The following OSTN variants were observed in gnomAD, a reference collection of about 807,000 sequenced individuals.
OSTN encodes the protein osteocrin.
In OSTN, 9 loss-of-function variants were observed where a neutral mutation model predicts 12.0. That is an observed-to-expected ratio of 0.75 (90% confidence interval 0.45 to 1.30). OSTN has a LOEUF of 1.30. Among genes scored for constraint, OSTN ranks in the 50% most tolerant of loss-of-function variants. OSTN has a pLI of 0.00. For synonymous variants in OSTN, 59 were observed against 56.9 expected, an observed-to-expected ratio of 1.04 and a Z score of -0.16; for missense variants, 148 against 152.3, an observed-to-expected ratio of 0.97 and a Z score of 0.15.
chr3:191,232,962 C>T (rs1715099003), intron 3 of OSTN, among the ~76,000 whole-genome samples: 2 of 152,058 alleles, frequency 1.3e-5, no homozygotes, highest in African/African-American at 2.4e-5. Flanking sequence ...AAGATGTAAC[C>T]CTTTCCCATC....
intron 3 of OSTN, among the ~76,000 whole-genome samples, chr3:191,245,054 A>C (rs888416353): frequency 6.6e-6 from 1 of 152,146 alleles, no homozygotes; most frequent in Non-Finnish European, 1.5e-5. Context: ...TTACTGGGAC[A>C]ATTCTTTACT....
At chr3:191,215,508 C>T (rs146005664) in intron 2 of OSTN, among the ~76,000 whole-genome samples, 247 of 152,328 alleles carry the variant, frequency 1.6e-3, no homozygotes, top group Non-Finnish European at 2.3e-3. Flanking sequence ...CAAGTCCCTT[C>T]CACCTATGAG....
intron 1 of OSTN, among the ~76,000 whole-genome samples, chr3:191,206,643 G>T (rs1246218966): frequency 6.6e-6 from 1 of 152,192 alleles, no homozygotes; most frequent in Non-Finnish European, 1.5e-5. Context: ...CAACATTAGA[G>T]GTCAGTTAGA....
intron 4 of OSTN, among the ~76,000 whole-genome samples, chr3:191,251,422 G>A (rs1010682173): frequency 7.9e-5 from 12 of 152,298 alleles, no homozygotes; most frequent in African/African-American, 2.2e-4. Flanking sequence ...TTAACAATCT[G>A]AGGCTAGAGC....
chr3:191,211,945 CT>C (rs1025976744), intron 1 of OSTN, among the ~76,000 whole-genome samples: 16 of 151,858 alleles, frequency 1.1e-4, no homozygotes, highest in Admixed American at 3.9e-4. Flanking sequence ...AGTAATTTGT[CT>C]TTTTTTATTG....
chr3:191,247,098 C>T (rs1173000621), intron 3 of OSTN, among the ~76,000 whole-genome samples: 4 of 152,070 alleles, frequency 2.6e-5, no homozygotes, highest in South Asian at 2.1e-4. Context: ...AAAATAACTG[C>T]GTAATTAAGA....
Position 191,262,855 on chromosome 3 carries a change from C to T in OSTN, c.*13-11C>T, listed in dbSNP as rs550416162. The T allele has an allele frequency of 3.8e-5, 27 of 701,888 alleles. No homozygotes were observed. The East Asian group carries it at 6.2e-4, about 16-fold the overall frequency. The allele number at this position is 701,888 out of a possible 1,614,324, so 43.5% of individuals were successfully genotyped here. ...CATTAGCTTTAACAATCTCAACTTT[C>T]GTTTTTGCAGATGCAACTTCCTTGG... On this transcript the variant is annotated splice_polypyrimidine_tract_variant and intron_variant, in intron 4 of 4. Coordinates refer to ENST00000682035, the MANE Select transcript of OSTN (RefSeq NM_198184.2).
chr3:191,241,314 A>G (rs748945096), intron 3 of OSTN, among the ~76,000 whole-genome samples: 1 of 151,386 alleles, frequency 6.6e-6, no homozygotes, highest in Non-Finnish European at 1.5e-5. Context: ...TACCGAGTAG[A>G]TGGGAATACA....
intron 3 of OSTN, among the ~76,000 whole-genome samples, chr3:191,247,679 A>G (rs1034461837): frequency 2.6e-5 from 4 of 152,222 alleles, no homozygotes; most frequent in African/African-American, 4.8e-5. Context: ...CTTTTATACA[A>G]CAGCACCAAG....
At chr3:191,236,406 C>G (rs1715190347) in intron 3 of OSTN, among the ~76,000 whole-genome samples, 1 of 151,982 alleles carries the variant, frequency 6.6e-6, no homozygotes, top group Non-Finnish European at 1.5e-5. Context: ...TAAGGCAAGT[C>G]CACAGAGTAA....
chr3:191,261,667 C>T (rs1251089300), intron 4 of OSTN, among the ~76,000 whole-genome samples: 1 of 152,210 alleles, frequency 6.6e-6, no homozygotes, highest in Non-Finnish European at 1.5e-5. Flanking sequence ...TGATTTCCAT[C>T]ACTAGTTACC....
At chr3:191,232,951 A>G (rs546275009) in intron 3 of OSTN, among the ~76,000 whole-genome samples, 1 of 151,936 alleles carries the variant, frequency 6.6e-6, no homozygotes, top group South Asian at 2.1e-4. Context: ...TAATGGAACT[A>G]AAGATGTAAC....
Position 191,211,758 on chromosome 3 carries a change from C to T in OSTN, c.1-775C>T, listed in dbSNP as rs1551427. On this transcript the variant is annotated intron_variant, in intron 1 of 4. Transcript: ENST00000682035. ...TGTATGTATTGTGGAAGGTTTTGTC[C>T]CTTCAGTTCTCCTCTTTTCTATGAA... Among the ~76,000 whole-genome samples, 550 of 151,212 alleles carry T rather than the reference C, an allele frequency of 3.6e-3. 3 individuals are homozygous for T. Among genetic ancestry groups the T allele is most frequent in the African/African-American group, 0.013 (526 of 41,172 alleles).
chr3:191,254,365 C>A (rs1560125699), intron 4 of OSTN, among the ~76,000 whole-genome samples: 1 of 152,186 alleles, frequency 6.6e-6, no homozygotes, highest in African/African-American at 2.4e-5. Flanking sequence ...CTGAGAAGTC[C>A]GTATCAGCAG....
At chr3:191,214,377 G>A (rs1274386487) in intron 2 of OSTN, among the ~76,000 whole-genome samples, 3 of 147,124 alleles carry the variant, frequency 2.0e-5, no homozygotes, top group Admixed American at 6.8e-5. Flanking sequence ...GAACCTGGGA[G>A]GCAGAGGTTG....
chr3:191,262,264 C>T (rs549121953), intron 4 of OSTN, among the ~76,000 whole-genome samples: 5 of 152,280 alleles, frequency 3.3e-5, no homozygotes, highest in Admixed American at 3.3e-4. Flanking sequence ...CACTTGCTGG[C>T]ACATCCATTG....
chr3:191,249,566 C>T (rs1212610237), intron 3 of OSTN, among the ~76,000 whole-genome samples: 1 of 152,110 alleles, frequency 6.6e-6, no homozygotes, highest in African/African-American at 2.4e-5. Context: ...GTATATTTAC[C>T]TCTACATTCA....
intron 3 of OSTN, among the ~76,000 whole-genome samples, chr3:191,224,928 G>T (rs1158116806): frequency 2.6e-5 from 4 of 151,406 alleles, no homozygotes; most frequent in African/African-American, 9.7e-5. Context: ...AATGTAGAAA[G>T]AACAGCAAAG....
chr3:191,221,427 A>G (rs9833993), intron 3 of OSTN, among the ~76,000 whole-genome samples: 30,827 of 152,058 alleles, frequency 0.2, 3,709 homozygotes, highest in Middle Eastern at 0.45. Context: ...CTTCCTAGAG[A>G]CTTGTTGAAT....
Sources: gnomAD v4.1 joint callset for allele counts (sites outside exome capture counted in the v4.1 genomes callset) on GRCh38, gnomAD v4.1.1 for gene constraint, MANE v1.5 for transcripts, NCBI Gene and HGNC (gene_info 2026-07-23, HGNC 2026-07-21) for gene names.